AIG1: variants seen among roughly 807,000 people sequenced by gnomAD.
AIG1 encodes androgen-induced gene 1 protein.
AIG1 carries 23 observed loss-of-function variants against 31.4 expected under a neutral mutation model. The observed-to-expected ratio is 0.73, with a 90% CI of 0.53 to 1.04. The LOEUF (loss-of-function observed/expected upper bound fraction) is 1.04. Ranked by LOEUF, AIG1 falls within the 50% of genes least tolerant of loss-of-function variation. The probability of loss-of-function intolerance (pLI) is 0.00; values close to 1 mark genes in which losing one functional copy is unlikely to be tolerated. For synonymous variants in AIG1, 100 were observed against 110.5 expected, an observed-to-expected ratio of 0.90 and a Z score of 0.60; for missense variants, 274 against 295.0, an observed-to-expected ratio of 0.93 and a Z score of 0.52.
At chr6:143,088,843 G>GTA (rs1779040056) in intron 1 of AIG1, among the ~76,000 whole-genome samples, 1 of 152,152 alleles carries the variant, frequency 6.6e-6, no homozygotes, top group African/African-American at 2.4e-5. Context: ...GCAACTAATT[G>GTA]TAAATGATGG....
chr6:143,313,978 G>A (rs1013734896), intron 4 of AIG1, among the ~76,000 whole-genome samples: 7 of 151,602 alleles, frequency 4.6e-5, no homozygotes, highest in Admixed American at 3.3e-4. Flanking sequence ...ACTCCTATTC[G>A]GCATCATATA....
At chr6:143,119,340 A>T (rs551991557) in intron 1 of AIG1, among the ~76,000 whole-genome samples, 1 of 152,276 alleles carries the variant, frequency 6.6e-6, no homozygotes, top group Admixed American at 6.5e-5. Context: ...TATTGTAATA[A>T]TTTTCAAAGT....
chr6:143,175,523 T>C (rs1788060735), intron 3 of AIG1, among the ~76,000 whole-genome samples: 1 of 152,192 alleles, frequency 6.6e-6, no homozygotes, highest in African/African-American at 2.4e-5. Flanking sequence ...TTTATTTGTC[T>C]TTGTTGAGTT....
rs1388418398 is a variant in AIG1 at position 143,284,353 on chromosome 6, G to A, written c.515+128G>A. ...GTGTGCCGCATTTGGTCCAAGACCT[G>A]GGCTTTGTCTCGTTTCCCCAGATGC... On this transcript the variant is annotated intron_variant, in intron 4 of 5. Coordinates refer to ENST00000357847, the MANE Select transcript of AIG1 (RefSeq NM_016108.4). This position sits in a 1 kb window ranked among gnomAD's most constrained non-coding sequence, Gnocchi z 4.4. The A allele has an allele frequency of 7.9e-6, 5 of 633,294 alleles. No homozygotes were observed. The African/African-American group carries it at 9.2e-5, about 12-fold the overall frequency. The allele number at this position is 633,294 out of a possible 1,614,324, so 39.2% of individuals were successfully genotyped here.
intron 2 of AIG1, among the ~76,000 whole-genome samples, chr6:143,147,536 G>A (rs1258064902): frequency 6.6e-6 from 1 of 152,040 alleles, no homozygotes; most frequent in Non-Finnish European, 1.5e-5. Flanking sequence ...TTGGCCAGAG[G>A]GTACTGTGAG....
In AIG1 at chr6:143,338,977, C is replaced by T. The variant is rs1339763612; in HGVS notation, c.680-662C>T. The stretch of plus-strand genomic sequence containing the variant: ...TTTCATCTTCAGGAACATGAAACAT[C>T]ATCGACTATTCTCTACAGACAACAG... On this transcript the variant is annotated intron_variant, in intron 5 of 5. Transcript: ENST00000357847. The surrounding 1 kb of genome is among the most constrained non-coding windows in gnomAD (Gnocchi z 4.3). 1 of 150,162 alleles carries T rather than the reference C, an allele frequency of 6.7e-6. No individual in the cohort carries two copies. The highest frequency in any genetic ancestry group is 6.6e-5 in the Admixed American group (1 of 15,058). 9.3% of individuals were successfully genotyped at this position (150,162 alleles called of 1,614,324 possible).
chr6:143,084,443 C>T (rs985420059), intron 1 of AIG1, among the ~76,000 whole-genome samples: 11 of 152,306 alleles, frequency 7.2e-5, no homozygotes, highest in African/African-American at 2.6e-4. Flanking sequence ...CCAAAGTCTG[C>T]TTGCCTGAGG....
intron 3 of AIG1, chr6:143,188,063 G>C: frequency 9.4e-7 from 1 of 1,068,638 alleles, no homozygotes; most frequent in African/African-American, 1.7e-5. Flanking sequence ...CTGAAGGAGA[G>C]GTTGATGCTC....
chr6:143,124,438 G>C (rs1782511952), intron 1 of AIG1, among the ~76,000 whole-genome samples: 1 of 152,156 alleles, frequency 6.6e-6, no homozygotes, highest in Non-Finnish European at 1.5e-5. Context: ...GACACTACAT[G>C]CTCCAGGTCT....
intron 1 of AIG1, among the ~76,000 whole-genome samples, chr6:143,115,982 T>A (rs191064925): frequency 4.1e-4 from 62 of 152,338 alleles, no homozygotes; most frequent in Non-Finnish European, 3.4e-4. Flanking sequence ...ATCTAGCCCC[T>A]GCTTTGTGTC....
At chr6:143,133,139 G>C (rs1783410199) in intron 1 of AIG1, among the ~76,000 whole-genome samples, 1 of 152,048 alleles carries the variant, frequency 6.6e-6, no homozygotes, top group African/African-American at 2.4e-5. Context: ...GTTGTTGAAT[G>C]TCTGGAATTT....
At chr6:143,220,162 C>T (rs1792359511) in intron 3 of AIG1, among the ~76,000 whole-genome samples, 1 of 152,168 alleles carries the variant, frequency 6.6e-6, no homozygotes, top group Non-Finnish European at 1.5e-5. Flanking sequence ...AAGCTGGCCC[C>T]TTCTCTTATT....
At chr6:143,163,610 T>C (rs1405793585) in intron 2 of AIG1, among the ~76,000 whole-genome samples, 1 of 152,206 alleles carries the variant, frequency 6.6e-6, no homozygotes, top group Non-Finnish European at 1.5e-5. Flanking sequence ...TCCTGATTCA[T>C]GGCAGTCTTC....
intron 1 of AIG1, among the ~76,000 whole-genome samples, chr6:143,077,550 T>A (rs1041520251): frequency 1.3e-5 from 2 of 152,236 alleles, no homozygotes; most frequent in Admixed American, 6.5e-5. Flanking sequence ...GAAGAGAAAT[T>A]TGCAATTATT....
intron 1 of AIG1, among the ~76,000 whole-genome samples, chr6:143,064,391 G>C (rs1468979944): frequency 6.6e-6 from 1 of 152,208 alleles, no homozygotes; most frequent in Non-Finnish European, 1.5e-5. Context: ...GACAAGGGGT[G>C]TGAGAGGTGT....
intron 1 of AIG1, among the ~76,000 whole-genome samples, chr6:143,124,597 T>G (rs578018605): frequency 2.0e-5 from 3 of 152,194 alleles, no homozygotes; most frequent in Non-Finnish European, 2.9e-5. Flanking sequence ...GGTCTTGTAT[T>G]AGTCTGTTCT....
chr6:143,072,503 C>G (rs1777380192), intron 1 of AIG1, among the ~76,000 whole-genome samples: 1 of 151,902 alleles, frequency 6.6e-6, no homozygotes, highest in South Asian at 2.1e-4. Context: ...TAGAAGGATC[C>G]TTTCTTGTTT....
chr6:143,202,249 A>G (rs2128607580), intron 3 of AIG1, among the ~76,000 whole-genome samples: 1 of 152,244 alleles, frequency 6.6e-6, no homozygotes, highest in African/African-American at 2.4e-5. Flanking sequence ...GTGTAGTTAT[A>G]GTGGGCCTGC....
At chr6:143,166,456 T>C (rs73777899) in intron 3 of AIG1, among the ~76,000 whole-genome samples, 131 of 152,340 alleles carry the variant, frequency 8.6e-4, no homozygotes, top group African/African-American at 3.0e-3. Flanking sequence ...TCCTGCTAGC[T>C]TAGTTCCTAT....
Sources: allele counts gnomAD v4.1 joint callset (sites outside exome capture counted in the v4.1 genomes callset), GRCh38; gene constraint gnomAD v4.1.1; non-coding constraint Gnocchi (gnomAD v3.1); transcripts MANE v1.5; gene names NCBI Gene and HGNC (gene_info 2026-07-23, HGNC 2026-07-21).